SFMBT2: variants seen among roughly 807,000 people sequenced by gnomAD.
SFMBT2 encodes the protein Scm like with four mbt domains 2, also known as scm-like with four MBT domains protein 2.
A neutral mutation model predicts 110.1 loss-of-function variants in SFMBT2; 38 were observed. The observed-to-expected ratio is 0.35, with a 90% CI of 0.27 to 0.45. The LOEUF is 0.45. SFMBT2 is among the 20% of genes least tolerant of loss of function. The pLI, the probability that SFMBT2 is intolerant of heterozygous loss-of-function variation, is 1.00. For synonymous variants in SFMBT2, 425 were observed against 425.4 expected (o/e 1.00, Z 0.01); for missense variants, 1,011 against 1,094.9 (o/e 0.92, Z 1.08).
At chr10:7,202,577 C>T in intron 12 of SFMBT2, 55 bp from the exon 13 acceptor site, 1 of 1,613,486 alleles carries the variant, frequency 6.2e-7, no homozygotes, top group Non-Finnish European at 8.5e-7. Context: ...GGGGCAAGTC[C>T]ATTTTTAAAA....
At chr10:7,387,625 C>T (rs1845646533) in intron 1 of SFMBT2, among the ~76,000 whole-genome samples, 1 of 151,872 alleles carries the variant, frequency 6.6e-6, no homozygotes, top group African/African-American at 2.4e-5. Context: ...CCAGAGGAGC[C>T]GAGGATAAGA....
chr10:7,243,697 G>A lies in SFMBT2; in HGVS notation c.981C>T (p.Asn327=), dbSNP rs763108635. The A allele has an allele frequency of 3.4e-6, 3 of 871,338 alleles. No individual in the cohort carries two copies. The highest frequency in any genetic ancestry group is 1.7e-5 in the Admixed American group (1 of 59,016). 54.0% of individuals were successfully genotyped at this position (871,338 alleles called of 1,614,324 possible). A position where few individuals can be genotyped will look rare whatever the true frequency, so the allele number is the denominator to read the frequency against. The change falls in exon 9 of 21, where the codon AAC becomes AAT. Residue 327 remains asparagine (N), a synonymous_variant. Coordinates refer to ENST00000397167, the MANE Select transcript of SFMBT2 (RefSeq NM_001387889.1). ...ISPASVTKVF[N]NHFFQVTIDD... ...CAATAGTCACTTGAAAAAAGTGATT[G>A]TTAAAAACCTAAAAGAAAAAAAATG...
intron 7 of SFMBT2, among the ~76,000 whole-genome samples, chr10:7,267,454 G>T (rs1841430657): frequency 6.6e-6 from 1 of 151,816 alleles, no homozygotes; most frequent in African/African-American, 2.4e-5. Context: ...TTGTCTTTCT[G>T]TTTGTTTGTT....
intron 12 of SFMBT2, chr10:7,204,636 G>A (rs1199006567): frequency 5.3e-6 from 2 of 375,258 alleles, no homozygotes; most frequent in Non-Finnish European, 7.3e-6. Flanking sequence ...CACTTTGGGA[G>A]GCCAAGGCAG....
At chr10:7,331,671 A>G (rs1398790284) in intron 4 of SFMBT2, among the ~76,000 whole-genome samples, 1 of 152,102 alleles carries the variant, frequency 6.6e-6, no homozygotes, top group Non-Finnish European at 1.5e-5. Context: ...CATCCACTCA[A>G]GTCACAGATG....
intron 4 of SFMBT2, among the ~76,000 whole-genome samples, chr10:7,294,680 T>G (rs999136446): frequency 6.6e-6 from 1 of 152,218 alleles, no homozygotes; most frequent in Non-Finnish European, 1.5e-5. Context: ...CTAAAATTAA[T>G]TCCTAGGTGC....
chr10:7,239,461 G>C (rs1244741762), intron 9 of SFMBT2, among the ~76,000 whole-genome samples: 2 of 152,094 alleles, frequency 1.3e-5, no homozygotes, highest in African/African-American at 4.8e-5. Flanking sequence ...CTTAATCCTG[G>C]TGTTGAGATG....
chr10:7,258,929 C>A (rs953744608), intron 7 of SFMBT2, among the ~76,000 whole-genome samples: 1 of 152,222 alleles, frequency 6.6e-6, no homozygotes, highest in Non-Finnish European at 1.5e-5. Flanking sequence ...ATAAGCATTT[C>A]TATTTTTTAC....
chr10:7,389,762 G>A (rs985188830), intron 1 of SFMBT2, among the ~76,000 whole-genome samples: 1 of 152,190 alleles, frequency 6.6e-6, no homozygotes, highest in Non-Finnish European at 1.5e-5. Flanking sequence ...TTGATGAGAT[G>A]CAATCACCCC....
At chr10:7,402,854 C>T (rs78792533) in intron 1 of SFMBT2, among the ~76,000 whole-genome samples, 3,405 of 152,326 alleles carry the variant, frequency 0.022, 51 homozygotes, top group Middle Eastern at 0.048. Context: ...AAAATGTCCT[C>T]ATCAGTGGCC....
rs894511715 is a variant in SFMBT2 at position 7,408,355 on chromosome 10, G to T, written c.-52+2506C>A. Among the ~76,000 whole-genome samples, 3 of 152,298 alleles carry T rather than the reference G, an allele frequency of 2.0e-5. No homozygotes were observed. The highest frequency in any genetic ancestry group is 4.1e-4 in the South Asian group (2 of 4,828). The stretch of plus-strand genomic sequence containing the variant: ...GCCGCGGGGTCTCCAAGCCAGTGCC[G>T]CTTGCTCCCGGCCCCCACCCACTGA... On this transcript the variant is annotated intron_variant, in intron 1 of 20. Transcript: ENST00000397167. The surrounding 1 kb of genome is among the most constrained non-coding windows in gnomAD (Gnocchi z 5.7).
intron 1 of SFMBT2, among the ~76,000 whole-genome samples, chr10:7,388,753 ACAGAGAGGCAGGCTGAGCC>A (rs1845689648): frequency 6.6e-6 from 1 of 151,970 alleles, no homozygotes; most frequent in South Asian, 2.1e-4. Context: ...TGGGGTGAGA[ACAGAGAGGCAGGCTGAGCC>A]CAGGTGAGAA....
intron 4 of SFMBT2, among the ~76,000 whole-genome samples, chr10:7,327,987 G>A (rs75527328): frequency 1.0e-3 from 155 of 152,294 alleles, no homozygotes; most frequent in African/African-American, 3.5e-3. Context: ...ATACCCAGGA[G>A]TACAATTGCT....
intron 10 of SFMBT2, among the ~76,000 whole-genome samples, chr10:7,224,327 T>C (rs756567734): frequency 2.6e-5 from 4 of 152,180 alleles, no homozygotes; most frequent in Non-Finnish European, 5.9e-5. Flanking sequence ...GGCACCTACA[T>C]GATTCAGGAA....
chr10:7,204,281 C>T (rs1839056537), intron 12 of SFMBT2: 37 of 920,158 alleles, frequency 4.0e-5, no homozygotes, highest in Non-Finnish European at 4.5e-5. Flanking sequence ...GAAACTCTGT[C>T]GCCATCAGGG....
At chr10:7,182,513 T>C (rs1838273271) in intron 16 of SFMBT2, among the ~76,000 whole-genome samples, 1 of 152,046 alleles carries the variant, frequency 6.6e-6, no homozygotes, top group African/African-American at 2.4e-5. Flanking sequence ...GTGGCACATA[T>C]ACACCATGGA....
chr10:7,222,446 G>T (rs1170709743), intron 10 of SFMBT2, among the ~76,000 whole-genome samples: 1 of 152,224 alleles, frequency 6.6e-6, no homozygotes, highest in Non-Finnish European at 1.5e-5. Flanking sequence ...AGATCAGGGT[G>T]TCAGCAGGGG....
chr10:7,210,680 G>A (rs931554815), intron 11 of SFMBT2, among the ~76,000 whole-genome samples: 2 of 152,238 alleles, frequency 1.3e-5, no homozygotes, highest in African/African-American at 4.8e-5. Context: ...CGGTGTGAGT[G>A]CCCGCAAGCA....
At chr10:7,229,286 G>C (rs915942799) in intron 9 of SFMBT2, among the ~76,000 whole-genome samples, 1 of 152,038 alleles carries the variant, frequency 6.6e-6, no homozygotes, top group African/African-American at 2.4e-5. Context: ...CTTTATTAAA[G>C]AAACTCAACA....
Sources: gnomAD v4.1 joint callset for allele counts (sites outside exome capture counted in the v4.1 genomes callset) on GRCh38, gnomAD v4.1.1 for gene constraint, Gnocchi (gnomAD v3.1) non-coding constraint, MANE v1.5 for transcripts, NCBI Gene and HGNC (gene_info 2026-07-23, HGNC 2026-07-21) for gene names.